VPS13B: variants seen among roughly 807,000 people sequenced by gnomAD.
VPS13B encodes the protein vacuolar protein sorting 13 homolog B.
VPS13B carries 285 observed loss-of-function variants against 426.4 expected under a neutral mutation model. That is an observed-to-expected ratio of 0.67 (90% CI 0.61 to 0.74). VPS13B has a LOEUF of 0.74. Ranked by LOEUF, VPS13B falls within the 30% of genes least tolerant of loss-of-function variation. The probability of loss-of-function intolerance (pLI) is 0.00; values close to 1 mark genes in which losing one functional copy is unlikely to be tolerated. For synonymous variants in VPS13B, 1,676 were observed against 1,676.4 expected, an observed-to-expected ratio of 1.00 and a Z score of 0.01; for missense variants, 4,537 against 4,782.6, an observed-to-expected ratio of 0.95 and a Z score of 1.51.
rs545757339 is a variant in VPS13B, at chr8:99,843,626, T to C, written c.9943-5150T>C. On this transcript the variant is annotated intron_variant, in intron 54 of 61. Transcript: ENST00000357162. Reference sequence around the variant, plus strand: ...GAATGAGAGACATACGGCAGTCTCTTGCCTATGGCAGTTCTGAATGTTTTC... The same window carrying C: ...GAATGAGAGACATACGGCAGTCTCTCGCCTATGGCAGTTCTGAATGTTTTC... 2.2e-4 allele frequency among the ~76,000 whole-genome samples: 33 copies of C among 152,334 alleles called. 1 individual carries two copies. Among genetic ancestry groups the C allele is most frequent in the Middle Eastern group, 3.4e-3 (1 of 294 alleles).
intron 21 of VPS13B, among the ~76,000 whole-genome samples, chr8:99,402,461 C>T (rs982953449): frequency 6.6e-6 from 1 of 152,104 alleles, no homozygotes; most frequent in African/African-American, 2.4e-5. Context: ...CTGTTTTGGT[C>T]AGTCCCTTCC....
rs34074519 is a variant in VPS13B at position 99,580,984 on chromosome 8, A to AACACACACACAC, written c.5220+3387_5220+3398dup. ...ACATGGCAAAACTGCATCTCTACAA[A>AACACACACACAC]ACACACACACACACACACACACACA... On this transcript the variant is annotated intron_variant, in intron 33 of 61. Transcript: ENST00000357162. Among the ~76,000 whole-genome samples the AACACACACACAC allele has an allele frequency of 3.9e-3, 500 of 126,668 alleles. 4 individuals are homozygous for AACACACACACAC. Among genetic ancestry groups the AACACACACACAC allele is most frequent in the Middle Eastern group, 4.5e-3 (1 of 220 alleles). 83.1% of individuals were successfully genotyped at this position (126,668 alleles called of 152,430 possible). A position where few individuals can be genotyped will look rare whatever the true frequency, so the allele number is the denominator to read the frequency against.
chr8:99,134,669 C>T lies in VPS13B; in HGVS notation c.1244C>T (p.Pro415Leu), dbSNP rs1809977565. The change falls in exon 9 of 62, where the codon CCA (proline) becomes CTA (leucine). Residue 415 changes from proline (P) to leucine (L), a missense_variant. Coordinates refer to ENST00000357162, the MANE Select transcript of VPS13B (RefSeq NM_152564.5). ...EMQVESSYYS[P>L]QKVKSKEVLC... ...CAAGTTGAGAGTAGTTATTACAGTC[C>T]ACAGAAAGTAAAATCTAAAGAAGTA... 6.2e-7 allele frequency: 1 copy of T among 1,609,814 alleles called. No homozygotes were observed. The highest frequency in any genetic ancestry group is 8.5e-7 in the Non-Finnish European group (1 of 1,177,892).
chr8:99,717,587 T>A (rs926906653), intron 37 of VPS13B, among the ~76,000 whole-genome samples: 8 of 152,190 alleles, frequency 5.3e-5, no homozygotes, highest in African/African-American at 1.9e-4. Flanking sequence ...TTTTAGCATA[T>A]TCAGAGTTGC....
At chr8:99,865,427 A>G (rs1298813550) in intron 58 of VPS13B, among the ~76,000 whole-genome samples, 1 of 152,042 alleles carries the variant, frequency 6.6e-6, no homozygotes, top group East Asian at 1.9e-4. Flanking sequence ...CCCAGAGACC[A>G]CCTCCTCTCT....
At chr8:99,746,472 A>G (rs1810093194) in intron 39 of VPS13B, among the ~76,000 whole-genome samples, 1 of 152,176 alleles carries the variant, frequency 6.6e-6, no homozygotes, top group Non-Finnish European at 1.5e-5. Context: ...AAATTCCTCC[A>G]CTAGGAAGGA....
At chr8:99,605,128 CTAGTCTTTCAT>C (rs1314679779) in intron 33 of VPS13B, among the ~76,000 whole-genome samples, 1 of 152,188 alleles carries the variant, frequency 6.6e-6, no homozygotes, top group Non-Finnish European at 1.5e-5. Flanking sequence ...ACCTCCCTTA[CTAGTCTTTCAT>C]TAGTGATGTT....
intron 19 of VPS13B, among the ~76,000 whole-genome samples, chr8:99,360,955 A>G (rs981322675): frequency 3.3e-5 from 5 of 152,214 alleles, no homozygotes; most frequent in African/African-American, 9.7e-5. Flanking sequence ...GAGAGAAATC[A>G]TCACTCTCAA....
intron 26 of VPS13B, among the ~76,000 whole-genome samples, chr8:99,502,196 C>T (rs1412912160): frequency 6.6e-6 from 1 of 152,048 alleles, no homozygotes; most frequent in African/African-American, 2.4e-5. Flanking sequence ...GTTGGTGAGG[C>T]TGGTCTTGAA....
Position 99,502,829 on chromosome 8 carries a change from A to T in VPS13B, c.4043-7A>T. The T allele has an allele frequency of 6.3e-7, 1 of 1,590,328 alleles. No individual in the cohort carries two copies. Among genetic ancestry groups the T allele is most frequent in the South Asian group, 1.1e-5 (1 of 90,538 alleles). On this transcript the variant is annotated splice_polypyrimidine_tract_variant and splice_region_variant and intron_variant, in intron 26 of 61. Coordinates refer to ENST00000357162, the MANE Select transcript of VPS13B (RefSeq NM_152564.5). ...GTGTTGATATTACTGCTTGTTTCTT[A>T]TTGCAGAGGTTTGTATGGTCAGTGA...
At chr8:99,834,629 CA>C (rs1815279089) in intron 52 of VPS13B, among the ~76,000 whole-genome samples, 1 of 152,190 alleles carries the variant, frequency 6.6e-6, no homozygotes, top group African/African-American at 2.4e-5. Context: ...CTCAACCTCC[CA>C]GGCTTAAGCC....
At chr8:99,314,297 G>A (rs909427618) in intron 19 of VPS13B, among the ~76,000 whole-genome samples, 2 of 151,818 alleles carry the variant, frequency 1.3e-5, no homozygotes, top group Non-Finnish European at 2.9e-5. Flanking sequence ...TTCCTATTCG[G>A]CCATCTTGGA....
chr8:99,118,795 G>C (rs1389291944), intron 7 of VPS13B, among the ~76,000 whole-genome samples: 1 of 152,198 alleles, frequency 6.6e-6, no homozygotes, highest in East Asian at 1.9e-4. Flanking sequence ...ACCATTCACT[G>C]TTTGATGGAC....
intron 19 of VPS13B, among the ~76,000 whole-genome samples, chr8:99,335,992 T>C (rs1810839337): frequency 6.6e-6 from 1 of 152,182 alleles, no homozygotes; most frequent in South Asian, 2.1e-4. Context: ...AATGACTTTC[T>C]TCACAGAATT....
At chr8:99,425,025 C>T (rs1422011054) in intron 21 of VPS13B, among the ~76,000 whole-genome samples, 1 of 152,106 alleles carries the variant, frequency 6.6e-6, no homozygotes, top group South Asian at 2.1e-4. Flanking sequence ...GAAGAAGTTG[C>T]ATCTCTGAAT....
At chr8:99,292,806 G>T (rs1353401586) in intron 19 of VPS13B, among the ~76,000 whole-genome samples, 1 of 151,994 alleles carries the variant, frequency 6.6e-6, no homozygotes, top group African/African-American at 2.4e-5. Context: ...CTATTTTTGT[G>T]CAACTGTTTG....
At chr8:99,459,958 T>C (rs1484727437) in intron 23 of VPS13B, among the ~76,000 whole-genome samples, 2 of 152,174 alleles carry the variant, frequency 1.3e-5, no homozygotes, top group Non-Finnish European at 2.9e-5. Context: ...AGTATACCTT[T>C]TTCCAGCTTT....
intron 8 of VPS13B, among the ~76,000 whole-genome samples, chr8:99,133,879 A>C (rs1048965783): frequency 1.3e-5 from 2 of 152,198 alleles, no homozygotes; most frequent in Non-Finnish European, 2.9e-5. Flanking sequence ...AAAATTTTGA[A>C]CTATTGGGAG....
chr8:99,790,951 A>G (rs1812510004), intron 43 of VPS13B, among the ~76,000 whole-genome samples: 1 of 152,180 alleles, frequency 6.6e-6, no homozygotes, highest in African/African-American at 2.4e-5. Flanking sequence ...ATGCTGTGCT[A>G]AGAAGTTTTA....
Sources: allele counts gnomAD v4.1 joint callset (sites outside exome capture counted in the v4.1 genomes callset), GRCh38; gene constraint gnomAD v4.1.1; transcripts MANE v1.5; gene names NCBI Gene and HGNC (gene_info 2026-07-23, HGNC 2026-07-21).